Variants in SUPT16H observed in about 807,000 individuals in gnomAD.
The protein encoded by SUPT16H is SPT16 homolog, facilitates chromatin remodeling subunit.
SUPT16H carries 24 observed loss-of-function variants against 136.2 expected under a neutral mutation model. The observed-to-expected ratio is 0.18, with a 90% confidence interval of 0.13 to 0.25. The LOEUF (loss-of-function observed/expected upper bound fraction) is 0.25, where lower values mean the gene tolerates loss of function less well. Ranked by LOEUF, SUPT16H falls within the 10% of genes least tolerant of loss-of-function variation. The pLI, the probability that SUPT16H is intolerant of heterozygous loss-of-function variation, is 1.00. For synonymous variants in SUPT16H, 415 were observed against 428.2 expected (o/e 0.97, Z 0.38); for missense variants, 623 against 1,270.2 (o/e 0.49, Z 7.74).
At chr14:21,355,601 A>C (rs982276837) in intron 22 of SUPT16H, among the ~76,000 whole-genome samples, 1 of 151,412 alleles carries the variant, frequency 6.6e-6, no homozygotes, top group African/African-American at 2.4e-5. Context: ...CTGCTTTCCT[A>C]TGTGTTGTTT....
chr14:21,355,271 G>T (rs562560998), intron 22 of SUPT16H, among the ~76,000 whole-genome samples: 57 of 152,182 alleles, frequency 3.7e-4, no homozygotes, highest in South Asian at 1.0e-3. Context: ...AAGGCAGGCG[G>T]ATCACGAGGT....
chr14:21,382,727 A>T lies in SUPT16H; in HGVS notation c.66+1135T>A, dbSNP rs190743334. ...TTTGGTAGAAATTAATCAAAAAATT[A>T]AAAAAAATAAAATGTTCAGTATTCA... is the stretch of plus-strand genomic sequence containing the variant. On this transcript the variant is annotated intron_variant, in intron 1 of 25. Transcript: ENST00000216297. Among the ~76,000 whole-genome samples the T allele has an allele frequency of 2.5e-3, 376 of 152,190 alleles. 1 individual carries two copies. The highest frequency in any genetic ancestry group is 4.6e-3 in the South Asian group (22 of 4,824).
At chr14:21,360,706 G>T in intron 17 of SUPT16H, 140 bp downstream of exon 17, 2 of 1,339,716 alleles carry the variant, frequency 1.5e-6, no homozygotes, top group Non-Finnish European at 2.1e-6. Context: ...GCATTTCCTT[G>T]TCATACTTTA....
chr14:21,372,672 T>C (rs1566392335), intron 2 of SUPT16H: 1 of 454,846 alleles, frequency 2.2e-6, no homozygotes, highest in Admixed American at 2.4e-5. Flanking sequence ...GCTATGTTCT[T>C]TGGGTGGCAG....
intron 3 of SUPT16H, among the ~76,000 whole-genome samples, chr14:21,371,396 G>T (rs548665487): frequency 6.6e-6 from 1 of 152,230 alleles, no homozygotes; most frequent in South Asian, 2.1e-4. Flanking sequence ...GGGACTACGG[G>T]TGTGTGCCAC....
At chr14:21,379,416 GCA>G (rs1886971559) in intron 1 of SUPT16H, among the ~76,000 whole-genome samples, 2 of 145,704 alleles carry the variant, frequency 1.4e-5, no homozygotes. Context: ...AGCCTGGGTG[GCA>G]CAGTCAGACT....
intron 1 of SUPT16H, among the ~76,000 whole-genome samples, chr14:21,375,088 A>G (rs1266970483): frequency 7.9e-5 from 12 of 151,994 alleles, no homozygotes; most frequent in Admixed American, 7.9e-4. Context: ...AACTTGGCTC[A>G]CTGCAACCTC....
rs558966178 is a variant in SUPT16H, at chr14:21,365,698, T to C, written c.1047-555A>G. 1.1e-4 allele frequency among the ~76,000 whole-genome samples: 17 copies of C among 152,222 alleles called. No homozygotes were observed. In the South Asian group the frequency reaches 3.5e-3, roughly 32 times the overall value. ...TTATTAGGTATTTCTAGGTGTTCAG[T>C]GATAAAATACATTTGAGAAATGTAT... On this transcript the variant is annotated intron_variant, in intron 8 of 25. Coordinates refer to ENST00000216297, the MANE Select transcript of SUPT16H (RefSeq NM_007192.4).
At chr14:21,376,126 T>C (rs940201936) in intron 1 of SUPT16H, among the ~76,000 whole-genome samples, 5 of 152,224 alleles carry the variant, frequency 3.3e-5, no homozygotes, top group African/African-American at 1.2e-4. Context: ...AGACTATTCA[T>C]TTCTCATTGA....
At chr14:21,360,808 TG>T (rs1254012311) in intron 17 of SUPT16H, 37 bp downstream of exon 17, 1 of 1,586,814 alleles carries the variant, frequency 6.3e-7, no homozygotes, top group Non-Finnish European at 8.6e-7. Context: ...AAATGTGCCC[TG>T]AAGAGAAAGC....
chr14:21,362,026 G>A (rs898527028), intron 15 of SUPT16H, among the ~76,000 whole-genome samples, 171 bp downstream of exon 15: 3 of 152,120 alleles, frequency 2.0e-5, no homozygotes, highest in Non-Finnish European at 2.9e-5. Context: ...TTCTAAATTG[G>A]GATCCATCCT....
At chr14:21,357,849 TA>T in intron 21 of SUPT16H, 77 bp downstream of exon 21, 1 of 1,323,802 alleles carries the variant, frequency 7.6e-7, no homozygotes, top group Non-Finnish European at 1.1e-6. Flanking sequence ...AAAATGACAA[TA>T]ATTAGGATAA....
At chr14:21,378,050 T>C (rs1467852563) in intron 1 of SUPT16H, among the ~76,000 whole-genome samples, 2 of 151,982 alleles carry the variant, frequency 1.3e-5, no homozygotes, top group African/African-American at 4.8e-5. Context: ...GAGTAACCTA[T>C]ACAGATGGAG....
intron 2 of SUPT16H, 37 bp from the exon 3 acceptor site, chr14:21,372,081 G>GATACAAAA: frequency 6.3e-7 from 1 of 1,577,154 alleles, no homozygotes; most frequent in South Asian, 1.2e-5. Context: ...GGTATTTACA[G>GATACAAAA]ATACAAAAAT....
intron 1 of SUPT16H, 33 bp from the exon 2 acceptor site, chr14:21,373,463 T>C: frequency 6.8e-7 from 1 of 1,466,494 alleles, no homozygotes; most frequent in Non-Finnish European, 9.6e-7. Flanking sequence ...ACTTAATTTT[T>C]CACACTAGCA....
chr14:21,362,080 A>G (rs1419172479), intron 15 of SUPT16H, 117 bp downstream of exon 15: 4 of 1,278,770 alleles, frequency 3.1e-6, no homozygotes, highest in South Asian at 3.3e-5. Context: ...ACAAGTACCA[A>G]TGAGGAAGGC....
At position 21,353,714 on chromosome 14, in the gene SUPT16H, G is replaced by A. The variant is rs143874908; in HGVS notation, c.2909C>T (p.Ala970Val). The A allele has an allele frequency of 2.4e-5, 39 of 1,613,290 alleles. No homozygotes were observed. The highest frequency in any genetic ancestry group is 1.7e-4 in the Admixed American group (10 of 59,824). The change falls in exon 24 of 26, where the codon GCA (alanine) becomes GTA (valine). Residue 970 changes from alanine (A) to valine (V), a missense_variant. Around this residue, in one of 7 missense-constraint regions of SUPT16H, gnomAD observed 88 missense variants for 135.5 expected, o/e 0.65. Transcript: ENST00000216297. ...EDSDEDYSSE[A>V]EESDYSKESL... ...TCTGTAAGACTAACCTGACTCTTCT[G>A]CTTCTGATGAATAATCTTCATCACT...
intron 21 of SUPT16H, 126 bp downstream of exon 21, chr14:21,357,801 G>A (rs1429378697): frequency 2.1e-6 from 2 of 957,898 alleles, no homozygotes; most frequent in African/African-American, 3.3e-5. Context: ...AGTAACATTT[G>A]TTCAATGAGT....
rs776919364 is a variant in SUPT16H at position 21,362,886 on chromosome 14, G to T, written c.1573C>A (p.Arg525=). 7 of 1,613,802 alleles carry T rather than the reference G, an allele frequency of 4.3e-6. No individual in the cohort carries two copies. In the South Asian group the frequency reaches 6.6e-5, roughly 15 times the overall value. Residue 525 remains arginine, a synonymous_variant, in exon 14 of 26, where the codon CGG becomes AGG. Transcript: ENST00000216297. ...PSLMPKEPHI[R]EMKIYIDKKY... ...TTATCGATGTAGATCTTCATTTCCC[G>T]AATATGTGGTTCCTTAGGCATCAGA...
Sources: allele counts gnomAD v4.1 joint callset (sites outside exome capture counted in the v4.1 genomes callset), GRCh38; gene constraint gnomAD v4.1.1; regional missense constraint gnomAD v4.1.1; transcripts MANE v1.5; gene names NCBI Gene and HGNC (gene_info 2026-07-23, HGNC 2026-07-21).